MATR3: variants seen among roughly 807,000 people sequenced by gnomAD.
MATR3 encodes the protein matrin 3, also known as matrin-3.
In MATR3, 4 loss-of-function variants were observed where a neutral mutation model predicts 85.5. That is an observed-to-expected ratio of 0.05 (90% confidence interval 0.02 to 0.11). The LOEUF is 0.11. Among genes scored for constraint, MATR3 ranks in the 10% least tolerant of loss-of-function variants. The pLI is 1.00. For synonymous variants in MATR3, 336 were observed against 343.1 expected (o/e 0.98, Z 0.23); for missense variants, 685 against 1,016.1 (o/e 0.67, Z 4.43).
Position 139,307,541 on chromosome 5 carries a change from T to G in MATR3, c.126T>G (p.Leu42=). 3.7e-6 allele frequency: 6 copies of G among 1,614,144 alleles called. No homozygotes were observed. The highest frequency in any genetic ancestry group is 5.1e-6 in the Non-Finnish European group (6 of 1,180,016). ...ATQSLSMPAS[L]GRMNQGTARL... is the part of the protein sequence containing the mutation. ...AGTCTTTAAGTATGCCAGCATCTCT[T>G]GGAAGGATGAACCAGGGTACTGCAC... The change falls in exon 2 of 15, where the codon CTT becomes CTG. Residue 42 remains leucine (L), a synonymous_variant. Transcript: ENST00000394805. This position sits in a 1 kb window ranked among gnomAD's most constrained non-coding sequence, Gnocchi z 4.4.
intron 1 of MATR3, among the ~76,000 whole-genome samples, chr5:139,305,653 T>C (rs889749663): frequency 6.6e-6 from 1 of 152,186 alleles, no homozygotes; most frequent in Non-Finnish European, 1.5e-5. Context: ...AGTCCACTTA[T>C]TCTCGTCTTT....
At position 139,331,479 on chromosome 5, in the gene MATR3, AG is replaced by A. The variant is rs1378968222; in HGVS notation, c.*2085del. On this transcript the variant is annotated 3_prime_UTR_variant, in exon 15 of 15. Transcript: ENST00000394805. Reference sequence around the variant, plus strand: ...TTAATACCTACATTTGAGAGCATTTAGAAATCAGAAATTATAATAAGCTGTT... The same window carrying A: ...TTAATACCTACATTTGAGAGCATTTAAAATCAGAAATTATAATAAGCTGTT... 4.4e-6 allele frequency: 2 copies of A among 454,152 alleles called. No homozygotes were observed. Among genetic ancestry groups the A allele is most frequent in the Non-Finnish European group, 8.8e-6 (2 of 226,802 alleles). 28.1% of individuals were successfully genotyped at this position (454,152 alleles called of 1,614,324 possible). A position where few individuals can be genotyped will look rare whatever the true frequency, so the allele number is the denominator to read the frequency against.
chr5:139,286,594 C>T (rs1244400451), intron 3 of MATR3, among the ~76,000 whole-genome samples: 1 of 151,744 alleles, frequency 6.6e-6, no homozygotes, highest in Non-Finnish European at 1.5e-5. Context: ...CCTGTAATCC[C>T]AGCACTTTGG....
chr5:139,276,389 C>G, intron 2 of MATR3: 2 of 354,658 alleles, frequency 5.6e-6, no homozygotes, highest in South Asian at 2.1e-5. Flanking sequence ...TAAGAATTGT[C>G]TTGGGCCATA....
At chr5:139,320,184 C>T (rs1755483060) in intron 9 of MATR3, among the ~76,000 whole-genome samples, 1 of 151,678 alleles carries the variant, frequency 6.6e-6, no homozygotes, top group Non-Finnish European at 1.5e-5. Flanking sequence ...TGGCGTGCGC[C>T]TGTTGTCCCA....
At chr5:139,287,815 G>T (rs1414973161) in intron 3 of MATR3, among the ~76,000 whole-genome samples, 1 of 152,114 alleles carries the variant, frequency 6.6e-6, no homozygotes, top group Non-Finnish European at 1.5e-5. Context: ...CAAACTCCTT[G>T]TCAATCTCCA....
intron 1 of MATR3, among the ~76,000 whole-genome samples, chr5:139,304,860 T>C (rs1290029995): frequency 6.6e-6 from 1 of 152,196 alleles, no homozygotes; most frequent in Non-Finnish European, 1.5e-5. Flanking sequence ...TAATAGGCAG[T>C]GGGGCCCATG....
intron 5 of MATR3, among the ~76,000 whole-genome samples, chr5:139,316,606 G>C (rs762723131): frequency 2.0e-5 from 3 of 151,958 alleles, no homozygotes; most frequent in Admixed American, 6.6e-5. Context: ...AGAGTGTAAC[G>C]GTGCAATCTC....
chr5:139,307,412 T>C lies in MATR3; in HGVS notation c.-4T>C, dbSNP rs759280239. The C allele has an allele frequency of 1.2e-6, 2 of 1,613,420 alleles. No individual in the cohort carries two copies. Among genetic ancestry groups the C allele is most frequent in the Non-Finnish European group, 1.7e-6 (2 of 1,179,558 alleles). On this transcript the variant is annotated 5_prime_UTR_variant, in exon 2 of 15. Coordinates refer to ENST00000394805, the MANE Select transcript of MATR3 (RefSeq NM_018834.6). The surrounding 1 kb of genome is among the most constrained non-coding windows in gnomAD (Gnocchi z 4.4). Reference sequence around the variant, plus strand: ...CTATAAAATAGACAAGAGCTAGTTCTACAATGTCCAAGTCATTCCAGCAGT... The same window carrying C: ...CTATAAAATAGACAAGAGCTAGTTCCACAATGTCCAAGTCATTCCAGCAGT...
At chr5:139,316,049 T>C (rs550860436) in intron 4 of MATR3, 27 bp from the exon 5 acceptor site, 2 of 1,504,240 alleles carry the variant, frequency 1.3e-6, no homozygotes, top group Middle Eastern at 2.1e-4. Context: ...TTATTATGAT[T>C]TATATTTTAT....
chr5:139,307,799 T>C lies in MATR3; in HGVS notation c.384T>C (p.Tyr128=), dbSNP rs776371632. 1.9e-5 allele frequency: 31 copies of C among 1,613,978 alleles called. No homozygotes were observed. The highest frequency in any genetic ancestry group is 2.5e-5 in the Non-Finnish European group (30 of 1,180,024). Residue 128 remains tyrosine, a synonymous_variant, in exon 2 of 15, where the codon TAT becomes TAC. Coordinates refer to ENST00000394805, the MANE Select transcript of MATR3 (RefSeq NM_018834.6). The surrounding 1 kb of genome is among the most constrained non-coding windows in gnomAD (Gnocchi z 4.4). ...GAGACTTAGATGAACTGAGTCGTTA[T>C]CCAGAGGACAAGATTACTCCTGAGA... is the stretch of plus-strand genomic sequence containing the variant. ...SARDLDELSR[Y]PEDKITPENL... is the part of the protein sequence containing the mutation.
chr5:139,297,913 G>A (rs1203464971), intron 1 of MATR3, among the ~76,000 whole-genome samples: 1 of 152,178 alleles, frequency 6.6e-6, no homozygotes, highest in Admixed American at 6.6e-5. Context: ...AAACAGGTTA[G>A]TAGGAAAACA....
chr5:139,282,143 A>G (rs1197877347), intron 3 of MATR3, among the ~76,000 whole-genome samples: 1 of 152,248 alleles, frequency 6.6e-6, no homozygotes, highest in African/African-American at 2.4e-5. Flanking sequence ...TTAAGAACTT[A>G]AAAAGAGTGA....
At position 139,307,360 on chromosome 5, in the gene MATR3, G is replaced by A. The variant is rs59033177; in HGVS notation, c.-56G>A. Reference sequence around the variant, plus strand: ...TCTAGTTTGAGCTTTCTTTTTGGCCGTCTTTAAAAAAATTTTTTTTTTTAA... The same window carrying A: ...TCTAGTTTGAGCTTTCTTTTTGGCCATCTTTAAAAAAATTTTTTTTTTTAA... On this transcript the variant is annotated 5_prime_UTR_variant, in exon 2 of 15. Coordinates refer to ENST00000394805, the MANE Select transcript of MATR3 (RefSeq NM_018834.6). The surrounding 1 kb of genome is among the most constrained non-coding windows in gnomAD (Gnocchi z 4.4). 3,016 of 1,565,612 alleles carry A rather than the reference G, an allele frequency of 1.9e-3. 59 individuals carry two copies. In the African/African-American group the frequency reaches 0.037, roughly 19 times the overall value.
chr5:139,296,601 T>G (rs1754167471), intron 1 of MATR3, among the ~76,000 whole-genome samples: 1 of 152,232 alleles, frequency 6.6e-6, no homozygotes, highest in South Asian at 2.1e-4. Flanking sequence ...CTGCTTCAAG[T>G]CTGAAGTGAA....
chr5:139,310,775 A>G (rs148845129), intron 2 of MATR3: 1 of 152,086 alleles, frequency 6.6e-6, no homozygotes, highest in African/African-American at 2.4e-5. Flanking sequence ...TAGGTCATCA[A>G]ATTGCTTTTC....
intron 9 of MATR3, among the ~76,000 whole-genome samples, chr5:139,320,914 ATTTTTTTTT>A (rs5871694): frequency 8.5e-6 from 1 of 118,204 alleles, no homozygotes; most frequent in East Asian, 2.3e-4. Context: ...CGCCTGGCTA[ATTTTTTTTT>A]TTTTTTTTTT....
Position 139,329,363 on chromosome 5 carries a change from G to T in MATR3, c.2512G>T (p.Ala838Ser). ...TTTATAGAAATTTCTGAATAAATTG[G>T]CAGAAGAACGCAGACAGAAGAAGGA... Reference protein sequence around the residue: ...QKLKKFLNKLAEERRQKKET With the variant: ...QKLKKFLNKLSEERRQKKET The change falls in exon 15 of 15, where the codon GCA (alanine) becomes TCA (serine). Residue 838 changes from alanine (A) to serine (S), a missense_variant. Coordinates refer to ENST00000394805, the MANE Select transcript of MATR3 (RefSeq NM_018834.6). 6.2e-7 allele frequency: 1 copy of T among 1,611,828 alleles called. No individual in the cohort carries two copies. Among genetic ancestry groups the T allele is most frequent in the Non-Finnish European group, 8.5e-7 (1 of 1,178,378 alleles).
intron 9 of MATR3, 105 bp from the exon 10 acceptor site, chr5:139,321,782 CAAAAAAGAAAA>C: frequency 5.2e-6 from 6 of 1,150,132 alleles, no homozygotes; most frequent in Non-Finnish European, 7.5e-6. Context: ...GACCCTGTCT[CAAAAAAGAAAA>C]AAAGTAATGA....
Sources: gnomAD v4.1 joint callset for allele counts (sites outside exome capture counted in the v4.1 genomes callset) on GRCh38, gnomAD v4.1.1 for gene constraint, Gnocchi (gnomAD v3.1) non-coding constraint, MANE v1.5 for transcripts, NCBI Gene and HGNC (gene_info 2026-07-23, HGNC 2026-07-21) for gene names.